Variants in CLMN observed in about 807,000 individuals in gnomAD.
CLMN encodes the protein calmin (calponin-like, transmembrane).
A neutral mutation model predicts 92.7 loss-of-function variants in CLMN; 57 were observed. That is an observed-to-expected ratio of 0.61 (90% CI 0.50 to 0.77). The LOEUF is 0.77. Among genes scored for constraint, CLMN ranks in the 30% least tolerant of loss-of-function variants. CLMN has a pLI of 0.00. For missense variants in CLMN, 1,158 were observed against 1,237.5 expected, an observed-to-expected ratio of 0.94 and a Z score of 0.96; for synonymous variants, 466 against 470.6, an observed-to-expected ratio of 0.99 and a Z score of 0.13.
At chr14:95,268,794 C>CTTTT (rs985091508) in intron 1 of CLMN, among the ~76,000 whole-genome samples, 12 of 63,112 alleles carry the variant, frequency 1.9e-4, no homozygotes, top group East Asian at 3.5e-4. Flanking sequence ...CTCTCTCTCT[C>CTTTT]TTTTTTTTTT....
At chr14:95,249,912 G>C (rs541970931) in intron 1 of CLMN, among the ~76,000 whole-genome samples, 172 of 152,316 alleles carry the variant, frequency 1.1e-3, no homozygotes, top group African/African-American at 4.1e-3. Context: ...CTTGCACTCA[G>C]AGGTAGCCAT....
At chr14:95,279,972 GT>G (rs76975914) in intron 1 of CLMN, among the ~76,000 whole-genome samples, 32,924 of 145,302 alleles carry the variant, frequency 0.23, 3,801 homozygotes, top group African/African-American at 0.31. Flanking sequence ...ATATGTTGTT[GT>G]TTTTTTTTTT....
chr14:95,224,708 T>C (rs1293824161), intron 2 of CLMN, among the ~76,000 whole-genome samples: 1 of 151,020 alleles, frequency 6.6e-6, no homozygotes, highest in African/African-American at 2.4e-5. Context: ...TGAACGCAAG[T>C]GTACCCTAGA....
intron 8 of CLMN, 128 bp from the exon 9 acceptor site, chr14:95,204,591 C>T: frequency 1.1e-6 from 1 of 905,320 alleles, no homozygotes; most frequent in Non-Finnish European, 1.6e-6. Flanking sequence ...AAAACACAAA[C>T]AAACAAAAAT....
intron 3 of CLMN, chr14:95,222,463 C>A: frequency 2.3e-6 from 1 of 426,272 alleles, no homozygotes; most frequent in Admixed American, 2.6e-5. Flanking sequence ...ACAAGGCAAA[C>A]CAGTGGGTCA....
Position 95,213,319 on chromosome 14 carries a change from G to A in CLMN, c.508C>T (p.Pro170Ser), listed in dbSNP as rs1026366919. ...CTCCTCTCTGCAGTGGGTGTGGGTG[G>A]GAAGGATGAGTCTGAGTCTGTGCCC... Reference protein sequence around the residue: ...SGGTDSDSSFPPTPTAERSVA... With the variant: ...SGGTDSDSSFSPTPTAERSVA... Residue 170 changes from proline (P) to serine (S), a missense_variant, in exon 6 of 13, where the codon CCA (proline) becomes TCA (serine). Physicochemically the swap from Pro to Ser is moderately conservative, Grantham distance 74. Coordinates refer to ENST00000298912, the MANE Select transcript of CLMN (RefSeq NM_024734.4). 6.2e-7 allele frequency: 1 copy of A among 1,613,946 alleles called. No individual in the cohort carries two copies. Among genetic ancestry groups the A allele is most frequent in the East Asian group, 2.2e-5 (1 of 44,860 alleles).
At chr14:95,212,889 C>A (rs934594978) in intron 6 of CLMN, among the ~76,000 whole-genome samples, 36 of 151,686 alleles carry the variant, frequency 2.4e-4, no homozygotes, top group Admixed American at 9.8e-4. Flanking sequence ...AGGTTCACGC[C>A]ATTCTCCTGC....
intron 1 of CLMN, among the ~76,000 whole-genome samples, chr14:95,264,813 C>T (rs2140708474): frequency 6.6e-6 from 1 of 152,084 alleles, no homozygotes; most frequent in South Asian, 2.1e-4. Flanking sequence ...TGGCTCACAC[C>T]TATAATCCCA....
At position 95,191,219 on chromosome 14, in the gene CLMN, G is replaced by T. The variant is rs1486708687; in HGVS notation, c.*345C>A. 1 of 165,202 alleles carries T rather than the reference G, an allele frequency of 6.1e-6. No homozygotes were observed. The highest frequency in any genetic ancestry group is 1.3e-5 in the Non-Finnish European group (1 of 77,178). The allele number at this position is 165,202 out of a possible 1,614,324, so 10.2% of individuals were successfully genotyped here. On this transcript the variant is annotated 3_prime_UTR_variant, in exon 13 of 13. Coordinates refer to ENST00000298912, the MANE Select transcript of CLMN (RefSeq NM_024734.4). This position sits in a 1 kb window ranked among gnomAD's most constrained non-coding sequence, Gnocchi z 5.3. ...TAAGAAACTCAAGTTCATCCAGCGT[G>T]TGAACCTGCAATGTGGGGTGTGCTA... is the stretch of plus-strand genomic sequence containing the variant.
At chr14:95,279,644 G>T (rs1036751658) in intron 1 of CLMN, among the ~76,000 whole-genome samples, 2 of 152,224 alleles carry the variant, frequency 1.3e-5, no homozygotes, top group Non-Finnish European at 2.9e-5. Context: ...TTAGCCAGAC[G>T]TGGTGGCGGG....
intron 2 of CLMN, among the ~76,000 whole-genome samples, chr14:95,225,032 T>C (rs1276292569): frequency 6.6e-6 from 1 of 152,076 alleles, no homozygotes; most frequent in Non-Finnish European, 1.5e-5. Flanking sequence ...GTAGACTTAC[T>C]AGGAACTCAA....
At chr14:95,209,523 G>T in intron 7 of CLMN, 46 bp from the exon 8 acceptor site, 1 of 1,407,626 alleles carries the variant, frequency 7.1e-7, no homozygotes, top group Non-Finnish European at 1.0e-6. Flanking sequence ...AAACACACAC[G>T]CTTTCAATAG....
intron 4 of CLMN, among the ~76,000 whole-genome samples, chr14:95,217,498 G>C (rs1323015347): frequency 6.6e-6 from 1 of 152,208 alleles, no homozygotes; most frequent in Non-Finnish European, 1.5e-5. Flanking sequence ...CAGAGGCCAG[G>C]AAGGAAGTTG....
chr14:95,224,741 C>T (rs1331804732), intron 2 of CLMN, among the ~76,000 whole-genome samples: 2 of 152,242 alleles, frequency 1.3e-5, no homozygotes, highest in Non-Finnish European at 2.9e-5. Context: ...TGACAAGACC[C>T]TGGGCCAGTT....
At position 95,194,123 on chromosome 14, in the gene CLMN, C is replaced by G; in HGVS notation, c.2770-204G>C. 1 of 1,416,474 alleles carries G rather than the reference C, an allele frequency of 7.1e-7. No homozygotes were observed. The allele number at this position is 1,416,474 out of a possible 1,614,324, so 87.7% of individuals were successfully genotyped here. A position where few individuals can be genotyped will look rare whatever the true frequency, so the allele number is the denominator to read the frequency against. ...CCCCTAAGCCCCTCCCTTGTGAGTG[C>G]GAGAGACCCCACCACCCGGAACCCG... On this transcript the variant is annotated intron_variant, in intron 11 of 12. Transcript: ENST00000298912. This position sits in a 1 kb window ranked among gnomAD's most constrained non-coding sequence, Gnocchi z 4.0.
At chr14:95,245,313 T>A (rs1413938184) in intron 1 of CLMN, among the ~76,000 whole-genome samples, 1 of 96,390 alleles carries the variant, frequency 1.0e-5, no homozygotes, top group Non-Finnish European at 1.9e-5. Flanking sequence ...ATTTTATGGG[T>A]CAGGTAAGCT....
rs1174093538 is a variant in CLMN at position 95,182,466 on chromosome 14, A to C, written c.*9098T>G. ...GGAACGACCATTTTTCCGTGTTCAC[A>C]ATTTGTCTTTGGCGGATAGTATCAG... On this transcript the variant is annotated 3_prime_UTR_variant, in exon 13 of 13. Transcript: ENST00000298912. The C allele has an allele frequency of 1.3e-5, 2 of 152,202 alleles. No individual in the cohort carries two copies. The highest frequency in any genetic ancestry group is 3.8e-4 in the East Asian group (2 of 5,198). The allele number at this position is 152,202 out of a possible 1,614,324, so 9.4% of individuals were successfully genotyped here.
chr14:95,272,924 T>G (rs1278933209), intron 1 of CLMN, among the ~76,000 whole-genome samples: 1 of 152,260 alleles, frequency 6.6e-6, no homozygotes, highest in African/African-American at 2.4e-5. Context: ...TAAAAGGGAA[T>G]GCAGTGATGT....
chr14:95,195,491 C>G (rs1280546614), intron 10 of CLMN, among the ~76,000 whole-genome samples: 1 of 152,252 alleles, frequency 6.6e-6, no homozygotes, highest in Admixed American at 6.5e-5. Flanking sequence ...GCCAGCAACT[C>G]CTCTGGCTCT....
Sources: gnomAD v4.1 joint callset for allele counts (sites outside exome capture counted in the v4.1 genomes callset) on GRCh38, gnomAD v4.1.1 for gene constraint, Gnocchi (gnomAD v3.1) non-coding constraint, MANE v1.5 for transcripts, NCBI Gene and HGNC (gene_info 2026-07-23, HGNC 2026-07-21) for gene names.